STOM: variants seen among roughly 807,000 people sequenced by gnomAD.
STOM encodes the protein erythrocyte band 7 integral membrane protein.
In STOM, 25 loss-of-function variants were observed where a neutral mutation model predicts 30.6. That is an observed-to-expected ratio of 0.82 (90% CI 0.60 to 1.14). The LOEUF is 1.14. Ranked by LOEUF, STOM falls within the 50% of genes most tolerant of loss-of-function variation. The pLI is 0.00. For synonymous variants in STOM, 118 were observed against 130.8 expected, an observed-to-expected ratio of 0.90 and a Z score of 0.67; for missense variants, 292 against 365.2, an observed-to-expected ratio of 0.80 and a Z score of 1.63.
intron 4 of STOM, among the ~76,000 whole-genome samples, chr9:121,352,707 T>C (rs2064349799): frequency 6.6e-6 from 1 of 152,230 alleles, no homozygotes; most frequent in African/African-American, 2.4e-5. Context: ...ATTACAAATG[T>C]CTATTTTCTG....
chr9:121,355,272 C>T (rs1249687070), intron 2 of STOM, among the ~76,000 whole-genome samples: 1 of 146,326 alleles, frequency 6.8e-6, no homozygotes, highest in South Asian at 2.2e-4. Context: ...ATAATAATCC[C>T]AGCTACACGG....
chr9:121,339,345 A>G lies in STOM; in HGVS notation c.*1857T>C, dbSNP rs2064226372. On this transcript the variant is annotated 3_prime_UTR_variant, in exon 7 of 7. Coordinates refer to ENST00000286713, the MANE Select transcript of STOM (RefSeq NM_004099.6). Reference sequence around the variant, plus strand: ...CAGGATATGGAGGCTCCTGGTCCTCAAGGGTGAACCACTTCACACAACAGA... The same window carrying G: ...CAGGATATGGAGGCTCCTGGTCCTCGAGGGTGAACCACTTCACACAACAGA... 6.9e-6 allele frequency: 2 copies of G among 289,432 alleles called. No individual in the cohort carries two copies. The highest frequency in any genetic ancestry group is 1.2e-5 in the Non-Finnish European group (2 of 165,332). The allele number at this position is 289,432 out of a possible 1,614,324, so 17.9% of individuals were successfully genotyped here. A position where few individuals can be genotyped will look rare whatever the true frequency, so the allele number is the denominator to read the frequency against.
chr9:121,339,609 C>G lies in STOM; in HGVS notation c.*1593G>C. ...AAAGAAAGCTGTTATGCTTAGACTT[C>G]TCTAGGTGAACTCAGAGTCTCAAAG... On this transcript the variant is annotated 3_prime_UTR_variant, in exon 7 of 7. Coordinates refer to ENST00000286713, the MANE Select transcript of STOM (RefSeq NM_004099.6). 1 of 1,231,626 alleles carries G rather than the reference C, an allele frequency of 8.1e-7. No individual in the cohort carries two copies. Among genetic ancestry groups the G allele is most frequent in the Non-Finnish European group, 1.0e-6 (1 of 987,936 alleles). The allele number at this position is 1,231,626 out of a possible 1,614,324, so 76.3% of individuals were successfully genotyped here.
At chr9:121,345,410 A>G (rs2064280577) in intron 6 of STOM, among the ~76,000 whole-genome samples, 1 of 152,178 alleles carries the variant, frequency 6.6e-6, no homozygotes, top group Admixed American at 6.5e-5. Flanking sequence ...CATTTCCCCG[A>G]TGGCTAATTA....
chr9:121,359,319 T>C (rs942420900), intron 1 of STOM, among the ~76,000 whole-genome samples: 21 of 152,126 alleles, frequency 1.4e-4, no homozygotes, highest in African/African-American at 4.8e-4. Context: ...AAATCAGAAA[T>C]ATAGTGAGTA....
chr9:121,367,755 G>C (rs2064518898), intron 1 of STOM, among the ~76,000 whole-genome samples: 1 of 152,230 alleles, frequency 6.6e-6, no homozygotes, highest in South Asian at 2.1e-4. Flanking sequence ...TTCACAAGCA[G>C]CCTTCTGGAA....
chr9:121,340,346 A>G lies in STOM; in HGVS notation c.*856T>C, dbSNP rs2064235067. 2.0e-6 allele frequency: 2 copies of G among 985,324 alleles called. No individual in the cohort carries two copies. The highest frequency in any genetic ancestry group is 3.5e-5 in the African/African-American group (2 of 57,250). The allele number at this position is 985,324 out of a possible 1,614,324, so 61.0% of individuals were successfully genotyped here. On this transcript the variant is annotated 3_prime_UTR_variant, in exon 7 of 7. Transcript: ENST00000286713. ...CTTGGCTATTTCCTCTAGTTCTGAC[A>G]AGTACAGGCAAGAAAATGGCTACTC... is the stretch of plus-strand genomic sequence containing the variant.
At chr9:121,360,627 A>G (rs1296010558) in intron 1 of STOM, among the ~76,000 whole-genome samples, 1 of 152,202 alleles carries the variant, frequency 6.6e-6, no homozygotes, top group Non-Finnish European at 1.5e-5. Flanking sequence ...GGAAAATAGC[A>G]TTTACCCTTT....
intron 1 of STOM, among the ~76,000 whole-genome samples, chr9:121,366,953 G>A (rs2064509878): frequency 6.6e-6 from 1 of 151,864 alleles, no homozygotes; most frequent in Non-Finnish European, 1.5e-5. Context: ...TGGGTGTGGT[G>A]GTGCATACCT....
At chr9:121,353,452 C>G (rs2134032111) in intron 3 of STOM, 150 bp from the exon 4 acceptor site, 2 of 465,666 alleles carry the variant, frequency 4.3e-6, no homozygotes, top group Non-Finnish European at 7.7e-6. Flanking sequence ...AACTTTGATT[C>G]CTCTTGCTTA....
intron 1 of STOM, among the ~76,000 whole-genome samples, chr9:121,368,487 C>T (rs987971745): frequency 1.4e-4 from 21 of 152,188 alleles, no homozygotes; most frequent in East Asian, 7.7e-4. Flanking sequence ...TTTCCCTATT[C>T]AAGTTTTAGA....
intron 6 of STOM, 105 bp downstream of exon 6, chr9:121,347,910 T>C (rs1166434773): frequency 4.3e-6 from 6 of 1,391,130 alleles, no homozygotes; most frequent in Non-Finnish European, 5.7e-6. Context: ...CTTTACCACT[T>C]CAAGATTATT....
rs747081054 is a variant in STOM at position 121,349,330 on chromosome 9, G to C, written c.322-7C>G. ...CTGAATCCTTTGTGAGGATCTACAAGATGAAGGAAGCAATTTTACATCTGT... is the reference window on the plus strand; with the variant it reads ...CTGAATCCTTTGTGAGGATCTACAACATGAAGGAAGCAATTTTACATCTGT... On this transcript the variant is annotated splice_region_variant and splice_polypyrimidine_tract_variant and intron_variant, in intron 4 of 6. Transcript: ENST00000286713. The C allele has an allele frequency of 2.9e-5, 46 of 1,613,346 alleles. No homozygotes were observed. The Admixed American group carries it at 7.3e-4, about 26-fold the overall frequency.
chr9:121,339,854 G>C lies in STOM; in HGVS notation c.*1348C>G. The C allele has an allele frequency of 8.5e-7, 1 of 1,171,482 alleles. No homozygotes were observed. The highest frequency in any genetic ancestry group is 3.5e-4 in the Middle Eastern group (1 of 2,850). 72.6% of individuals were successfully genotyped at this position (1,171,482 alleles called of 1,614,324 possible). A position where few individuals can be genotyped will look rare whatever the true frequency, so the allele number is the denominator to read the frequency against. The stretch of plus-strand genomic sequence containing the variant: ...AAAGACCTACATCTATATAGATATT[G>C]TAAGTTTGACAGTATCTGCCCAAGA... On this transcript the variant is annotated 3_prime_UTR_variant, in exon 7 of 7. Transcript: ENST00000286713.
chr9:121,339,845 A>G lies in STOM; in HGVS notation c.*1357T>C. ...TAAATTTAAAAAGACCTACATCTAT[A>G]TAGATATTGTAAGTTTGACAGTATC... is the stretch of plus-strand genomic sequence containing the variant. On this transcript the variant is annotated 3_prime_UTR_variant, in exon 7 of 7. Coordinates refer to ENST00000286713, the MANE Select transcript of STOM (RefSeq NM_004099.6). 1 of 1,181,912 alleles carries G rather than the reference A, an allele frequency of 8.5e-7. No homozygotes were observed. The highest frequency in any genetic ancestry group is 3.7e-5 in the East Asian group (1 of 27,210). 73.2% of individuals were successfully genotyped at this position (1,181,912 alleles called of 1,614,324 possible). A position where few individuals can be genotyped will look rare whatever the true frequency, so the allele number is the denominator to read the frequency against.
rs16910556 is a variant in STOM, at chr9:121,340,072, T to C, written c.*1130A>G. On this transcript the variant is annotated 3_prime_UTR_variant, in exon 7 of 7. Coordinates refer to ENST00000286713, the MANE Select transcript of STOM (RefSeq NM_004099.6). ...TTCAAATAGATATATAACAATTGCA[T>C]ATAGAACGTAGAGAAAATTTTATTA... The C allele has an allele frequency of 0.013, 12,210 of 973,064 alleles. 453 individuals are homozygous for C. The Admixed American group carries it at 0.16, about 13-fold the overall frequency. 60.3% of individuals were successfully genotyped at this position (973,064 alleles called of 1,614,324 possible). A position where few individuals can be genotyped will look rare whatever the true frequency, so the allele number is the denominator to read the frequency against.
intron 3 of STOM, 105 bp downstream of exon 3, chr9:121,354,496 G>A (rs2064367095): frequency 2.3e-6 from 2 of 858,550 alleles, no homozygotes; most frequent in Non-Finnish European, 3.6e-6. Flanking sequence ...CTCCAGCCTG[G>A]GCGACGGAAT....
At chr9:121,368,871 C>G (rs143865318) in intron 1 of STOM, among the ~76,000 whole-genome samples, 1 of 147,372 alleles carries the variant, frequency 6.8e-6, no homozygotes, top group African/African-American at 2.5e-5. Context: ...ACTCGGGAGG[C>G]GGAGGTTGCA....
chr9:121,370,041 C>T, intron 1 of STOM, 86 bp downstream of exon 1: 10 of 1,305,852 alleles, frequency 7.7e-6, no homozygotes, highest in Non-Finnish European at 8.4e-6. Flanking sequence ...CGGAGACTGG[C>T]CAGGAGCCCG....
Sources: gnomAD v4.1 joint callset for allele counts (sites outside exome capture counted in the v4.1 genomes callset) on GRCh38, gnomAD v4.1.1 for gene constraint, MANE v1.5 for transcripts, NCBI Gene and HGNC (gene_info 2026-07-23, HGNC 2026-07-21) for gene names.